RAP1GDS1: variants seen among roughly 807,000 people sequenced by gnomAD.
The protein encoded by RAP1GDS1 is RAP1, GTP-GDP dissociation stimulator 1.
RAP1GDS1 carries 35 observed loss-of-function variants against 71.1 expected under a neutral mutation model. The ratio of observed to expected loss-of-function variants is 0.49; its 90% confidence interval spans 0.38 to 0.65. The LOEUF (loss-of-function observed/expected upper bound fraction) is 0.65. RAP1GDS1 is among the 30% of genes least tolerant of loss of function. RAP1GDS1 has a pLI of 0.00. For missense variants in RAP1GDS1, 663 were observed against 706.1 expected, an observed-to-expected ratio of 0.94 and a Z score of 0.69; for synonymous variants, 229 against 243.1, an observed-to-expected ratio of 0.94 and a Z score of 0.54.
chr4:98,312,294 T>C (rs1305417089), intron 2 of RAP1GDS1, among the ~76,000 whole-genome samples: 1 of 152,212 alleles, frequency 6.6e-6, no homozygotes, highest in Non-Finnish European at 1.5e-5. Flanking sequence ...CTTTCATCAT[T>C]CTTTATGAGG....
chr4:98,391,873 G>T, intron 5 of RAP1GDS1, 79 bp from the exon 6 acceptor site: 1 of 1,299,938 alleles, frequency 7.7e-7, no homozygotes, highest in East Asian at 2.5e-5. Flanking sequence ...GGGAAAATAA[G>T]AGGTGTTTTC....
chr4:98,275,588 C>T (rs1234908842), intron 1 of RAP1GDS1, among the ~76,000 whole-genome samples: 1 of 152,012 alleles, frequency 6.6e-6, no homozygotes, highest in Non-Finnish European at 1.5e-5. Context: ...TTACTTTCAC[C>T]ATTACATAAA....
At chr4:98,271,292 CATT>C (rs1723422729) in intron 1 of RAP1GDS1, among the ~76,000 whole-genome samples, 1 of 152,104 alleles carries the variant, frequency 6.6e-6, no homozygotes, top group African/African-American at 2.4e-5. Context: ...TAATTAAACT[CATT>C]GAGTTCAAAA....
At position 98,418,660 on chromosome 4, in the gene RAP1GDS1, C is replaced by G. The variant is rs1301763600; in HGVS notation, c.1043C>G (p.Ala348Gly). ...LAIANFARND[A>G]NCIHMVDNGI... Reference sequence around the variant, plus strand: ...AGATGTGTGTTTTTTTTTTCAGATGCAAATTGTATTCATATGGTAGACAAT... The same window carrying G: ...AGATGTGTGTTTTTTTTTTCAGATGGAAATTGTATTCATATGGTAGACAAT... Residue 348 changes from alanine to glycine, a missense_variant, in exon 10 of 15, where the codon GCA becomes GGA. Ala to Gly is a moderately conservative substitution (Grantham distance 60, BLOSUM62 0). Coordinates refer to ENST00000408927, the MANE Select transcript of RAP1GDS1 (RefSeq NM_001100427.2). The G allele has an allele frequency of 6.3e-7, 1 of 1,575,964 alleles. No homozygotes were observed. Among genetic ancestry groups the G allele is most frequent in the Non-Finnish European group, 8.6e-7 (1 of 1,167,084 alleles).
At chr4:98,395,391 TA>T (rs1744376967) in intron 6 of RAP1GDS1, among the ~76,000 whole-genome samples, 1 of 152,184 alleles carries the variant, frequency 6.6e-6, no homozygotes, top group South Asian at 2.1e-4. Flanking sequence ...TCTTACATAA[TA>T]AATATATACT....
chr4:98,369,198 A>G (rs1300566776), intron 4 of RAP1GDS1, among the ~76,000 whole-genome samples: 1 of 152,184 alleles, frequency 6.6e-6, no homozygotes, highest in African/African-American at 2.4e-5. Flanking sequence ...AGTCCCTCCC[A>G]TGACACGTGG....
chr4:98,364,744 G>A (rs1317493128), intron 4 of RAP1GDS1, among the ~76,000 whole-genome samples: 1 of 151,942 alleles, frequency 6.6e-6, no homozygotes, highest in African/African-American at 2.4e-5. Flanking sequence ...TATGATGTGA[G>A]GGCTGGGTGC....
At position 98,433,993 on chromosome 4, in the gene RAP1GDS1, A is replaced by C; in HGVS notation, c.1498A>C (p.Thr500Pro). Residue 500 changes from threonine (T) to proline (P), a missense_variant, in exon 13 of 15, where the codon ACT becomes CCT. Transcript: ENST00000408927. ...CATCAAGCATCTAGTTACCATGGCA[A>C]CTAGTGAACATGTAATAATGCAGAA... Reference protein sequence around the residue: ...GGIKHLVTMATSEHVIMQNEA... With the variant: ...GGIKHLVTMAPSEHVIMQNEA... The C allele has an allele frequency of 6.2e-7, 1 of 1,613,372 alleles. No individual in the cohort carries two copies. Among genetic ancestry groups the C allele is most frequent in the Non-Finnish European group, 8.5e-7 (1 of 1,179,308 alleles).
chr4:98,302,971 G>A (rs763234422), intron 2 of RAP1GDS1, among the ~76,000 whole-genome samples: 3 of 151,954 alleles, frequency 2.0e-5, no homozygotes, highest in African/African-American at 7.3e-5. Context: ...GCTTGAGCCC[G>A]GGAGACGGAG....
chr4:98,352,539 G>A lies in RAP1GDS1; in HGVS notation c.299G>A (p.Ser100Asn), dbSNP rs200005363. Residue 100 changes from serine to asparagine, a missense_variant, in exon 4 of 15, where the codon AGC becomes AAC. Physicochemically the swap from Ser to Asn is conservative, Grantham distance 46. Transcript: ENST00000408927. Reference protein sequence around the residue: ...LISPLVQLLNSKDQEVLLQTG... With the variant: ...LISPLVQLLNNKDQEVLLQTG... ...TCACCACTGGTGCAGCTGCTAAATA[G>A]CAAAGACCAGGAAGTGCTGCTTCAA... 7 of 1,614,044 alleles carry A rather than the reference G, an allele frequency of 4.3e-6. No homozygotes were observed. Among genetic ancestry groups the A allele is most frequent in the Non-Finnish European group, 5.9e-6 (7 of 1,179,946 alleles).
At chr4:98,373,481 C>T (rs1427223654) in intron 4 of RAP1GDS1, among the ~76,000 whole-genome samples, 1 of 149,230 alleles carries the variant, frequency 6.7e-6, no homozygotes, top group African/African-American at 2.5e-5. Flanking sequence ...TTTTCCTTTG[C>T]TTGGGGTTCT....
At chr4:98,270,300 T>G (rs1238878472) in intron 1 of RAP1GDS1, among the ~76,000 whole-genome samples, 2 of 152,192 alleles carry the variant, frequency 1.3e-5, no homozygotes, top group African/African-American at 4.8e-5. Context: ...TTATAAAGAC[T>G]ATTTCAGTTA....
chr4:98,301,017 C>G (rs1345088157), intron 2 of RAP1GDS1, among the ~76,000 whole-genome samples: 2 of 150,236 alleles, frequency 1.3e-5, no homozygotes, highest in African/African-American at 4.9e-5. Flanking sequence ...TTTTTTTTTC[C>G]TGTATTTGCA....
intron 2 of RAP1GDS1, chr4:98,296,858 GC>G (rs1727830548): frequency 8.4e-6 from 3 of 358,668 alleles, no homozygotes; most frequent in South Asian, 4.2e-5. Flanking sequence ...AGTCCCAAAG[GC>G]AAGAAAAATT....
intron 6 of RAP1GDS1, among the ~76,000 whole-genome samples, chr4:98,393,283 T>G (rs1744006566): frequency 1.3e-5 from 2 of 152,232 alleles, no homozygotes; most frequent in Non-Finnish European, 2.9e-5. Context: ...TTAAAGTTAT[T>G]TTTAGTAAAA....
chr4:98,308,522 C>A (rs1366881207), intron 2 of RAP1GDS1, among the ~76,000 whole-genome samples: 2 of 149,626 alleles, frequency 1.3e-5, no homozygotes, highest in African/African-American at 4.9e-5. Flanking sequence ...AGATTTTAAA[C>A]CACAAATTTT....
At chr4:98,373,209 TACTG>T (rs1296788149) in intron 4 of RAP1GDS1, among the ~76,000 whole-genome samples, 3 of 152,228 alleles carry the variant, frequency 2.0e-5, no homozygotes, top group African/African-American at 7.2e-5. Context: ...TAACCTTACT[TACTG>T]GAAGATATTT....
At chr4:98,325,119 A>G (rs1225196344) in intron 2 of RAP1GDS1, among the ~76,000 whole-genome samples, 1 of 151,952 alleles carries the variant, frequency 6.6e-6, no homozygotes, top group Admixed American at 6.6e-5. Context: ...AAGGACATGA[A>G]CAGACACTTC....
At chr4:98,273,617 C>T (rs1276945241) in intron 1 of RAP1GDS1, among the ~76,000 whole-genome samples, 1 of 151,952 alleles carries the variant, frequency 6.6e-6, no homozygotes, top group Non-Finnish European at 1.5e-5. Context: ...TAATGCAGAC[C>T]TGTAATGCAG....
Sources: allele counts gnomAD v4.1 joint callset (sites outside exome capture counted in the v4.1 genomes callset), GRCh38; gene constraint gnomAD v4.1.1; transcripts MANE v1.5; gene names NCBI Gene and HGNC (gene_info 2026-07-23, HGNC 2026-07-21).